The following ZNF765 variants were observed in gnomAD, a reference collection of about 807,000 sequenced individuals.
ZNF765 encodes the protein zinc finger protein 765.
Under a neutral mutation model 44.7 loss-of-function variants are expected in ZNF765, and 37 were observed. That is an observed-to-expected ratio of 0.83 (90% CI 0.64 to 1.09). The LOEUF is 1.09. ZNF765 is among the 50% of genes least tolerant of loss of function. The probability of loss-of-function intolerance (pLI) is 0.00; values close to 1 mark genes in which losing one functional copy is unlikely to be tolerated. For synonymous variants in ZNF765, 201 were observed against 213.7 expected, an observed-to-expected ratio of 0.94 and a Z score of 0.52; for missense variants, 594 against 626.1, an observed-to-expected ratio of 0.95 and a Z score of 0.55.
At chr19:53,422,486 C>A (rs927975845) in intron 3 of ZNF765, among the ~76,000 whole-genome samples, 1 of 152,144 alleles carries the variant, frequency 6.6e-6, no homozygotes, top group Non-Finnish European at 1.5e-5. Flanking sequence ...AGGACACATC[C>A]AAATATGGCG....
At chr19:53,415,265 C>T (rs571331244), downstream of ZNF765, among the ~76,000 whole-genome samples, 563 of 146,984 alleles carry the variant, frequency 3.8e-3, 5 homozygotes, top group African/African-American at 0.014. Context: ...AGTGAAACTC[C>T]ATCTCGAAAA....
Position 53,410,629 on chromosome 19 carries a change from A to G in ZNF765, c.*1502A>G, listed in dbSNP as rs2147100184. Reference sequence around the variant, plus strand: ...TCACAAAGTCTTCAGTTACACTACAACCATTGCGAATCATTGGAGAATCCA... The same window carrying G: ...TCACAAAGTCTTCAGTTACACTACAGCCATTGCGAATCATTGGAGAATCCA... On this transcript the variant is annotated 3_prime_UTR_variant, in exon 4 of 4. Coordinates refer to ENST00000396408, the MANE Select transcript of ZNF765 (RefSeq NM_001040185.3). 4.2e-6 allele frequency: 2 copies of G among 481,922 alleles called. No homozygotes were observed. Among genetic ancestry groups the G allele is most frequent in the Non-Finnish European group, 8.4e-6 (2 of 238,756 alleles). 29.9% of individuals were successfully genotyped at this position (481,922 alleles called of 1,614,324 possible).
chr19:53,404,004 A>G (rs571954267), intron 3 of ZNF765, among the ~76,000 whole-genome samples: 1 of 152,340 alleles, frequency 6.6e-6, no homozygotes, highest in South Asian at 2.1e-4. Flanking sequence ...TAACAGAAAA[A>G]AAAGTTGAAT....
chr19:53,406,299 G>T (rs1484060011), intron 3 of ZNF765, among the ~76,000 whole-genome samples: 3 of 151,710 alleles, frequency 2.0e-5, no homozygotes, highest in Non-Finnish European at 4.4e-5. Context: ...AAAGTGCTGG[G>T]ATTACAGACC....
chr19:53,398,565 T>A (rs939862177), intron 2 of ZNF765, among the ~76,000 whole-genome samples: 1 of 152,172 alleles, frequency 6.6e-6, no homozygotes, highest in South Asian at 2.1e-4. Context: ...CAGACATGAA[T>A]GATACAAGAT....
rs200632694 is a variant in ZNF765, at chr19:53,407,819, G to A, written c.264G>A (p.Gln88=). Residue 88 remains glutamine (Q), a synonymous_variant, in exon 4 of 4, where the codon CAG becomes CAA. Coordinates refer to ENST00000396408, the MANE Select transcript of ZNF765 (RefSeq NM_001040185.3). ...ATCACAATGGAGATTTTTGTTTCCA[G>A]GATATTGATAAAGATATTCATGACA... ...ESHHNGDFCF[Q]DIDKDIHDIE... is the part of the protein sequence containing the mutation. The A allele has an allele frequency of 3.7e-5, 59 of 1,613,398 alleles. 1 individual carries two copies. In the African/African-American group the frequency reaches 5.1e-4, roughly 14 times the overall value.
intron 3 of ZNF765, among the ~76,000 whole-genome samples, chr19:53,417,461 G>C (rs964716059): frequency 6.6e-6 from 1 of 152,086 alleles, no homozygotes; most frequent in African/African-American, 2.4e-5. Flanking sequence ...ACATGATCTC[G>C]TTCTTTTTTA....
intron 1 of ZNF765, among the ~76,000 whole-genome samples, chr19:53,397,231 C>T (rs1368225923): frequency 6.6e-6 from 1 of 152,144 alleles, no homozygotes; most frequent in Non-Finnish European, 1.5e-5. Context: ...CTCCTCCTTC[C>T]TAGGCTAGGA....
At chr19:53,426,437 G>A (rs1314140790) in exon 4 of ZNF765, 1 of 152,008 alleles carries the variant, frequency 6.6e-6, no homozygotes, top group Non-Finnish European at 1.5e-5. Flanking sequence ...TCATGGGGCT[G>A]CGTGATGTGG....
rs1473454165 is a variant in ZNF765, at chr19:53,410,742, T to C, written c.*1615T>C. On this transcript the variant is annotated 3_prime_UTR_variant, in exon 4 of 4. Transcript: ENST00000396408. ...TTGCAGTTCATCGGCGAACTCGTAC[T>C]GGAGAGAAACCTTACAAATGTCATG... 6 of 435,596 alleles carry C rather than the reference T, an allele frequency of 1.4e-5. No individual in the cohort carries two copies. Among genetic ancestry groups the C allele is most frequent in the Non-Finnish European group, 2.4e-5 (5 of 212,736 alleles). The allele number at this position is 435,596 out of a possible 1,614,324, so 27.0% of individuals were successfully genotyped here. A position where few individuals can be genotyped will look rare whatever the true frequency, so the allele number is the denominator to read the frequency against.
intron 3 of ZNF765, among the ~76,000 whole-genome samples, chr19:53,402,734 GT>G (rs1403165736): frequency 3.3e-5 from 5 of 152,008 alleles, no homozygotes; most frequent in African/African-American, 1.2e-4. Context: ...AACTTTTTTA[GT>G]TTGTTTTTTT....
At chr19:53,406,053 G>A (rs1302415013) in intron 3 of ZNF765, among the ~76,000 whole-genome samples, 1 of 136,654 alleles carries the variant, frequency 7.3e-6, no homozygotes, top group East Asian at 2.2e-4. Flanking sequence ...TTTTGGAGAT[G>A]AAATCTCACT....
chr19:53,405,555 C>T (rs1331126125), intron 3 of ZNF765, among the ~76,000 whole-genome samples: 10 of 151,316 alleles, frequency 6.6e-5, no homozygotes, highest in Non-Finnish European at 1.5e-5. Flanking sequence ...TGGTTTAGCC[C>T]AGCCATCTTC....
At chr19:53,427,097 C>T (rs1401878711) in exon 4 of ZNF765, 3 of 134,796 alleles carry the variant, frequency 2.2e-5, no homozygotes, top group East Asian at 2.5e-4. Context: ...TGTGTTTATC[C>T]GTGCATCATG....
At chr19:53,419,070 A>T (rs2085892365) in intron 3 of ZNF765, among the ~76,000 whole-genome samples, 1 of 152,142 alleles carries the variant, frequency 6.6e-6, no homozygotes, top group African/African-American at 2.4e-5. Flanking sequence ...TGTAGACCCT[A>T]TACCAGTCCC....
At chr19:53,418,724 G>A (rs1168626207) in intron 3 of ZNF765, among the ~76,000 whole-genome samples, 1 of 151,794 alleles carries the variant, frequency 6.6e-6, no homozygotes, top group African/African-American at 2.4e-5. Context: ...TGCCCGACAT[G>A]GCAAAACCCA....
rs1478759594 is a variant in ZNF765, at chr19:53,401,542, G to A, written c.16-523G>A. Reference sequence around the variant, plus strand: ...CGCGCCACTGTACTCCAGCCTGGGCGACAGAGCGAGACTCCGTCTCAAAAA... The same window carrying A: ...CGCGCCACTGTACTCCAGCCTGGGCAACAGAGCGAGACTCCGTCTCAAAAA... On this transcript the variant is annotated intron_variant, in intron 2 of 3. Coordinates refer to ENST00000396408, the MANE Select transcript of ZNF765 (RefSeq NM_001040185.3). 8.1e-5 allele frequency among the ~76,000 whole-genome samples: 12 copies of A among 148,216 alleles called. No individual in the cohort carries two copies. In the East Asian group the frequency reaches 1.6e-3, roughly 20 times the overall value.
intron 1 of ZNF765, among the ~76,000 whole-genome samples, chr19:53,397,445 G>C (rs540634796): frequency 6.6e-6 from 1 of 152,278 alleles, no homozygotes; most frequent in South Asian, 2.1e-4. Flanking sequence ...CACCATGTTG[G>C]CCAGGCTGGT....
At chr19:53,416,821 CTT>C (rs547421325), downstream of ZNF765, among the ~76,000 whole-genome samples, 1 of 144,620 alleles carries the variant, frequency 6.9e-6, no homozygotes. Context: ...GATTTCTTTT[CTT>C]TTTTTTTTTT....
Sources: allele counts gnomAD v4.1 joint callset (sites outside exome capture counted in the v4.1 genomes callset), GRCh38; gene constraint gnomAD v4.1.1; transcripts MANE v1.5; gene names NCBI Gene and HGNC (gene_info 2026-07-23, HGNC 2026-07-21).